Variants in FMNL2 observed in about 807,000 individuals in gnomAD.
The protein encoded by FMNL2 is formin-like protein 2.
In FMNL2, 51 loss-of-function variants were observed where a neutral mutation model predicts 130.2. That is an observed-to-expected ratio of 0.39 (90% CI 0.31 to 0.49). FMNL2 has a LOEUF of 0.49. Ranked by LOEUF, FMNL2 falls within the 20% of genes least tolerant of loss-of-function variation. The probability of loss-of-function intolerance (pLI) is 0.85; values close to 1 mark genes in which losing one functional copy is unlikely to be tolerated. For synonymous variants in FMNL2, 465 were observed against 467.1 expected, an observed-to-expected ratio of 1.00 and a Z score of 0.06; for missense variants, 977 against 1,316.2, an observed-to-expected ratio of 0.74 and a Z score of 3.99.
intron 9 of FMNL2, among the ~76,000 whole-genome samples, chr2:152,607,014 T>G (rs12613900): frequency 2.4e-4 from 33 of 134,870 alleles, no homozygotes; most frequent in African/African-American, 7.3e-4. Context: ...TTGTTTTTTT[T>G]TTTTTTTTTT....
intron 1 of FMNL2, among the ~76,000 whole-genome samples, chr2:152,485,699 G>A (rs970743844): frequency 2.0e-5 from 3 of 152,140 alleles, no homozygotes; most frequent in Admixed American, 2.0e-4. Context: ...ATAAATATGG[G>A]AGGAGTACTC....
chr2:152,470,462 A>T (rs1377691599), intron 1 of FMNL2, among the ~76,000 whole-genome samples: 6 of 152,230 alleles, frequency 3.9e-5, no homozygotes, highest in Admixed American at 3.3e-4. Flanking sequence ...GACAACTAGG[A>T]CGTGGGAAAG....
intron 1 of FMNL2, among the ~76,000 whole-genome samples, chr2:152,503,172 A>G (rs990911536): frequency 7.9e-5 from 12 of 152,152 alleles, no homozygotes; most frequent in Non-Finnish European, 1.8e-4. Flanking sequence ...CTGCAGTGGG[A>G]TTTTTGCAGT....
intron 1 of FMNL2, among the ~76,000 whole-genome samples, chr2:152,510,528 T>C (rs1277002330): frequency 1.3e-5 from 2 of 152,244 alleles, no homozygotes; most frequent in Admixed American, 1.3e-4. Context: ...TAAAAAATTA[T>C]GAAAGTGTTC....
chr2:152,647,773 C>T (rs1455752340), intron 25 of FMNL2, 23 bp from the exon 26 acceptor site: 7 of 1,609,220 alleles, frequency 4.3e-6, no homozygotes, highest in East Asian at 4.5e-5. Flanking sequence ...GCTATTCTCT[C>T]ACTGGCACTC....
intron 9 of FMNL2, among the ~76,000 whole-genome samples, chr2:152,589,393 G>A (rs111959109): frequency 0.043 from 6,559 of 152,110 alleles, 196 homozygotes; most frequent in Non-Finnish European, 0.059. Context: ...TAAAAATGCC[G>A]CTTCTAAAAT....
intron 1 of FMNL2, among the ~76,000 whole-genome samples, chr2:152,474,599 T>A (rs1218089733): frequency 2.0e-5 from 3 of 152,108 alleles, no homozygotes; most frequent in Non-Finnish European, 4.4e-5. Context: ...GGCATGAGAA[T>A]TGCTTGAACC....
intron 1 of FMNL2, among the ~76,000 whole-genome samples, chr2:152,432,396 T>C (rs1374027312): frequency 6.6e-6 from 1 of 152,154 alleles, no homozygotes; most frequent in Non-Finnish European, 1.5e-5. Context: ...TTTCTTAAGG[T>C]CTGATACACC....
At chr2:152,394,810 A>G (rs1246619660) in intron 1 of FMNL2, among the ~76,000 whole-genome samples, 1 of 151,998 alleles carries the variant, frequency 6.6e-6, no homozygotes, top group African/African-American at 2.4e-5. Context: ...ATAAGATTGG[A>G]CAAGAACGAT....
At chr2:152,506,414 G>A (rs962320715) in intron 1 of FMNL2, among the ~76,000 whole-genome samples, 2 of 146,286 alleles carry the variant, frequency 1.4e-5, no homozygotes, top group Non-Finnish European at 3.1e-5. Flanking sequence ...TTTAAATCAT[G>A]TCTAGATTAC....
At chr2:152,413,537 G>T (rs1686437142) in intron 1 of FMNL2, among the ~76,000 whole-genome samples, 1 of 152,110 alleles carries the variant, frequency 6.6e-6, no homozygotes, top group Admixed American at 6.6e-5. Context: ...AGGAGAAGGT[G>T]GGGCAAGGAA....
intron 1 of FMNL2, among the ~76,000 whole-genome samples, chr2:152,505,405 T>G (rs954267355): frequency 3.9e-5 from 6 of 152,214 alleles, no homozygotes; most frequent in Admixed American, 2.0e-4. Context: ...CTGTGACTAT[T>G]TTAAAATGAA....
At chr2:152,541,243 A>T (rs1694296765) in intron 2 of FMNL2, among the ~76,000 whole-genome samples, 1 of 152,038 alleles carries the variant, frequency 6.6e-6, no homozygotes, top group South Asian at 2.1e-4. Flanking sequence ...TGCAGCCTTA[A>T]CCTCCCAGGC....
rs762887027 is a variant in FMNL2 at position 152,424,536 on chromosome 2, G to A, written c.117+88816G>A. On this transcript the variant is annotated intron_variant, in intron 1 of 25. Coordinates refer to ENST00000288670, the MANE Select transcript of FMNL2 (RefSeq NM_052905.4). Reference sequence around the variant, plus strand: ...CTCCCGAATAGCTGGGATTACAGGCGTGCGCCACCATGCGCGGCTAATTTT... The same window carrying A: ...CTCCCGAATAGCTGGGATTACAGGCATGCGCCACCATGCGCGGCTAATTTT... Among the ~76,000 whole-genome samples the A allele has an allele frequency of 3.3e-5, 5 of 152,002 alleles. No individual in the cohort carries two copies. The East Asian group carries it at 7.8e-4, about 24-fold the overall frequency.
intron 1 of FMNL2, among the ~76,000 whole-genome samples, chr2:152,362,772 C>T (rs1010837803): frequency 3.9e-5 from 6 of 152,108 alleles, no homozygotes; most frequent in African/African-American, 1.2e-4. Context: ...TAACTGTTTC[C>T]TTCAAAATCA....
At chr2:152,355,847 A>G (rs1320739180) in intron 1 of FMNL2, among the ~76,000 whole-genome samples, 1 of 152,340 alleles carries the variant, frequency 6.6e-6, no homozygotes, top group East Asian at 1.9e-4. Context: ...CATATTCTTA[A>G]CAAAATAGTC....
intron 15 of FMNL2, among the ~76,000 whole-genome samples, chr2:152,623,717 G>A (rs1261787941): frequency 6.6e-6 from 1 of 152,094 alleles, no homozygotes. Context: ...TAGTGTGGTA[G>A]GCTACCCAGA....
intron 3 of FMNL2, among the ~76,000 whole-genome samples, chr2:152,548,503 C>A (rs1469753608): frequency 6.6e-6 from 1 of 152,192 alleles, no homozygotes; most frequent in Non-Finnish European, 1.5e-5. Flanking sequence ...AAGAACCTGG[C>A]CACTGAGTCT....
intron 2 of FMNL2, chr2:152,539,316 A>C (rs1694175684): frequency 2.5e-5 from 4 of 159,944 alleles, no homozygotes; most frequent in Admixed American, 2.5e-4. Context: ...CAAAATTGGC[A>C]GCTTCCATGA....
Sources: allele counts gnomAD v4.1 joint callset (sites outside exome capture counted in the v4.1 genomes callset), GRCh38; gene constraint gnomAD v4.1.1; transcripts MANE v1.5; gene names NCBI Gene and HGNC (gene_info 2026-07-23, HGNC 2026-07-21).